The following CAPN12 variants were observed in gnomAD, a reference collection of about 807,000 sequenced individuals.
CAPN12 encodes the protein calpain 12, also known as calpain-12.
Under a neutral mutation model 95.0 loss-of-function variants are expected in CAPN12, and 107 were observed. That is an observed-to-expected ratio of 1.13 (90% confidence interval 0.96 to 1.32). CAPN12 has a LOEUF of 1.32. Among genes scored for constraint, CAPN12 ranks in the 40% most tolerant of loss-of-function variants. The pLI, the probability that CAPN12 is intolerant of heterozygous loss-of-function variation, is 0.00. For missense variants in CAPN12, 1,136 were observed against 997.8 expected, an observed-to-expected ratio of 1.14 and a Z score of -1.87; for synonymous variants, 505 against 415.5, an observed-to-expected ratio of 1.22 and a Z score of -2.62.
In CAPN12 at chr19:38,737,293, C is replaced by G; in HGVS notation, c.1225G>C (p.Ala409Pro). The G allele has an allele frequency of 6.6e-7, 1 of 1,524,344 alleles. No homozygotes were observed. The highest frequency in any genetic ancestry group is 1.2e-5 in the South Asian group (1 of 83,312). 94.4% of individuals were successfully genotyped at this position (1,524,344 alleles called of 1,614,324 possible). A position where few individuals can be genotyped will look rare whatever the true frequency, so the allele number is the denominator to read the frequency against. Residue 409 changes from alanine (A) to proline (P), a missense_variant, in exon 10 of 21, where the codon GCT becomes CCT. Coordinates refer to ENST00000328867, the MANE Select transcript of CAPN12 (RefSeq NM_144691.4). ...CGCGCTGGGCCCCGTGCCCCTGCAG[C>G]CCCCCAGCCCCCCCAGGGCCCTTCC... Reference protein sequence around the residue: ...DEEGPWGGWGAAGARGPARGG... With the variant: ...DEEGPWGGWGPAGARGPARGG...
At chr19:38,737,947 T>C (rs1970316111) in intron 8 of CAPN12, among the ~76,000 whole-genome samples, 1 of 152,126 alleles carries the variant, frequency 6.6e-6, no homozygotes, top group African/African-American at 2.4e-5. Flanking sequence ...CCCCTCAACA[T>C]TGCCAAATCT....
chr19:38,739,316 G>A (rs1269971134), intron 5 of CAPN12: 1 of 152,714 alleles, frequency 6.5e-6, no homozygotes, highest in East Asian at 1.9e-4. Context: ...TGGGCATGGT[G>A]GCGGGCGCCT....
At position 38,734,142 on chromosome 19, in the gene CAPN12, C is replaced by T; in HGVS notation, c.1878G>A (p.Gln626=). ...QQLWGYLLEW[Q]AIFNKFDEDT... ...GAAGAGGCCCAGTCTCCCACCTCAC[C>T]TGCCACTCCAGGAGGTAGCCCCAGA... The change falls in exon 17 of 21, where the codon CAG becomes CAA. Residue 626 remains glutamine, a splice_region_variant and synonymous_variant. Transcript: ENST00000328867. 1.2e-6 allele frequency: 2 copies of T among 1,612,738 alleles called. No individual in the cohort carries two copies. The highest frequency in any genetic ancestry group is 1.7e-6 in the Non-Finnish European group (2 of 1,179,816).
At position 38,737,333 on chromosome 19, in the gene CAPN12, C is replaced by A. The variant is rs775292036; in HGVS notation, c.1185G>T (p.Glu395Asp). The change falls in exon 10 of 21, where the codon GAG (glutamate) becomes GAT (aspartate). Residue 395 changes from glutamate (E) to aspartate (D), a missense_variant. By Grantham distance (45) the Glu-to-Asp change is conservative (BLOSUM62 2). Coordinates refer to ENST00000328867, the MANE Select transcript of CAPN12 (RefSeq NM_144691.4). ...FRLTLLEPDEEDDEDEEGPWG... is the reference protein window; with the variant it reads ...FRLTLLEPDEDDDEDEEGPWG... ...AGGGCCCTTCCTCATCCTCGTCATC[C>A]TCCTCATCAGGCTCCAGCAGCGTTA... The A allele has an allele frequency of 8.1e-6, 13 of 1,600,584 alleles. No individual in the cohort carries two copies. The South Asian group carries it at 8.9e-5, about 11-fold the overall frequency.
At chr19:38,733,634 GA>G in intron 18 of CAPN12, 68 bp downstream of exon 18, 2 of 1,376,672 alleles carry the variant, frequency 1.5e-6, no homozygotes, top group Non-Finnish European at 2.1e-6. Flanking sequence ...TGAGCAGGGG[GA>G]CTTGGAGACA....
chr19:38,737,515 C>G lies in CAPN12; in HGVS notation c.1089G>C (p.Trp363Cys). 6.2e-7 allele frequency: 1 copy of G among 1,612,716 alleles called. No homozygotes were observed. Among genetic ancestry groups the G allele is most frequent in the Middle Eastern group, 1.6e-4 (1 of 6,062 alleles). The change falls in exon 9 of 21, where the codon TGG becomes TGC. Residue 363 changes from tryptophan to cysteine, a missense_variant. Coordinates refer to ENST00000328867, the MANE Select transcript of CAPN12 (RefSeq NM_144691.4). The part of the protein sequence containing the change: ...GWHVHTFQGR[W>C]VRGFNSGGSQ... ...TCCCGCCGGAGTTGAAGCCACGCAC[C>G]CAGCGGCCTTGGAAGGTGTGGACGT...
intron 15 of CAPN12, 116 bp from the exon 16 acceptor site, chr19:38,734,505 G>A (rs1487760387): frequency 3.3e-6 from 3 of 914,304 alleles, no homozygotes; most frequent in African/African-American, 1.7e-5. Flanking sequence ...TATTATAGAA[G>A]CCGAGGCACA....
At position 38,742,541 on chromosome 19, in the gene CAPN12, GC is replaced by G; in HGVS notation, c.308-14del. 1 of 1,582,090 alleles carries G rather than the reference GC, an allele frequency of 6.3e-7. No individual in the cohort carries two copies. Among genetic ancestry groups the G allele is most frequent in the Non-Finnish European group, 8.7e-7 (1 of 1,154,880 alleles). On this transcript the variant is annotated splice_polypyrimidine_tract_variant and intron_variant, in intron 2 of 20. Coordinates refer to ENST00000328867, the MANE Select transcript of CAPN12 (RefSeq NM_144691.4). ...AACCAGCAGTTACCTGGGAGGAGAG[GC>G]CAGGATTAGGTGAGGATGGAAGGAG... is the stretch of plus-strand genomic sequence containing the variant.
intron 4 of CAPN12, 127 bp downstream of exon 4, chr19:38,741,650 A>G: frequency 8.5e-7 from 1 of 1,174,816 alleles, no homozygotes; most frequent in Non-Finnish European, 1.2e-6. Context: ...GGCGGTTGTC[A>G]CTTGGTTTGG....
Position 38,736,292 on chromosome 19 carries a change from G to T in CAPN12, c.1401C>A (p.Arg467=). The change falls in exon 12 of 21, where the codon CGC becomes CGA. Residue 467 remains arginine (R), a synonymous_variant. Coordinates refer to ENST00000328867, the MANE Select transcript of CAPN12 (RefSeq NM_144691.4). The part of the protein sequence containing the change: ...EELLGLWDSP[R]SHALLPRLLR... ...GCAGCCGGGGCAGGAGCGCATGGCT[G>T]CGCGGGGAATCCCAGAGGCCCAGCA... The T allele has an allele frequency of 6.9e-7, 1 of 1,442,606 alleles. No individual in the cohort carries two copies. Among genetic ancestry groups the T allele is most frequent in the Non-Finnish European group, 9.0e-7 (1 of 1,104,974 alleles). 89.4% of individuals were successfully genotyped at this position (1,442,606 alleles called of 1,614,324 possible).
chr19:38,730,257 T>TA lies in CAPN12; in HGVS notation c.*594dup, dbSNP rs1051135194. Reference sequence around the variant, plus strand: ...ATAAATATATATTCACCTAGCAACATATCTCTGCCGTCTCTCCTGCTCTCA... The same window carrying TA: ...ATAAATATATATTCACCTAGCAACATAATCTCTGCCGTCTCTCCTGCTCTCA... On this transcript the variant is annotated 3_prime_UTR_variant, in exon 21 of 21. Transcript: ENST00000328867. 6.3e-6 allele frequency: 1 copy of TA among 158,336 alleles called. No individual in the cohort carries two copies. The highest frequency in any genetic ancestry group is 1.4e-5 in the Non-Finnish European group (1 of 71,610). The allele number at this position is 158,336 out of a possible 1,614,324, so 9.8% of individuals were successfully genotyped here. A position where few individuals can be genotyped will look rare whatever the true frequency, so the allele number is the denominator to read the frequency against.
chr19:38,730,964 C>T lies in CAPN12; in HGVS notation c.2133+1G>A. On this transcript the variant is annotated splice_donor_variant, in intron 20 of 20. Transcript: ENST00000328867. LOFTEE classifies it high-confidence loss of function. Reference sequence around the variant, plus strand: ...CACCCTGTCCCTCCCACCTGGCTCACCTGTCTGTGGGTCAGGCAGATGACC... The same window carrying T: ...CACCCTGTCCCTCCCACCTGGCTCATCTGTCTGTGGGTCAGGCAGATGACC... 6.4e-7 allele frequency: 1 copy of T among 1,550,724 alleles called. No individual in the cohort carries two copies. The highest frequency in any genetic ancestry group is 1.4e-5 in the African/African-American group (1 of 73,180).
chr19:38,731,049 G>A (rs1056767075), intron 19 of CAPN12, 26 bp from the exon 20 acceptor site: 5 of 1,558,394 alleles, frequency 3.2e-6, no homozygotes, highest in Non-Finnish European at 2.6e-6. Flanking sequence ...CAGGGTGAGT[G>A]CCCACCAGTC....
At chr19:38,736,911 T>A in intron 10 of CAPN12, 2 of 135,810 alleles carry the variant, frequency 1.5e-5, no homozygotes, top group South Asian at 1.7e-4. Context: ...CCCCCAGCCC[T>A]ACTAGCCCCC....
Position 38,730,644 on chromosome 19 carries a change from T to C in CAPN12, c.*208A>G. 2 of 631,816 alleles carry C rather than the reference T, an allele frequency of 3.2e-6. No individual in the cohort carries two copies. The highest frequency in any genetic ancestry group is 4.2e-4 in the Middle Eastern group (1 of 2,360). The allele number at this position is 631,816 out of a possible 1,614,324, so 39.1% of individuals were successfully genotyped here. Reference sequence around the variant, plus strand: ...TGTCAACGTGGACTAGCTCGTGTCATCTGCTCGAGAAGGGCTGTCGCTGTT... The same window carrying C: ...TGTCAACGTGGACTAGCTCGTGTCACCTGCTCGAGAAGGGCTGTCGCTGTT... On this transcript the variant is annotated 3_prime_UTR_variant, in exon 21 of 21. Transcript: ENST00000328867.
intron 2 of CAPN12, among the ~76,000 whole-genome samples, 158 bp downstream of exon 2, chr19:38,742,875 A>G (rs1970638568): frequency 8.5e-5 from 10 of 118,286 alleles, no homozygotes; most frequent in Non-Finnish European, 1.1e-4. Flanking sequence ...AAAAAAAAGG[A>G]AGGAAGGAAG....
intron 19 of CAPN12, 28 bp downstream of exon 19, chr19:38,731,069 CTTCCCCCCAT>C: frequency 6.4e-7 from 1 of 1,573,824 alleles, no homozygotes; most frequent in South Asian, 1.2e-5. Context: ...CCCCGTACCC[CTTCCCCCCAT>C]GCCCCACCAT....
intron 18 of CAPN12, chr19:38,733,258 G>A (rs369477888): frequency 2.2e-4 from 36 of 160,230 alleles, no homozygotes; most frequent in East Asian, 2.0e-3. Context: ...ACCAGGCCCT[G>A]GCCATTTTAG....
At chr19:38,737,105 C>A (rs767713553) in intron 10 of CAPN12, 51 bp downstream of exon 10, 2 of 1,453,158 alleles carry the variant, frequency 1.4e-6, no homozygotes, top group East Asian at 5.0e-5. Context: ...CCCGGCCCCG[C>A]CCCTCCACCC....
Sources: allele counts gnomAD v4.1 joint callset (sites outside exome capture counted in the v4.1 genomes callset), GRCh38; gene constraint gnomAD v4.1.1; transcripts MANE v1.5; gene names NCBI Gene and HGNC (gene_info 2026-07-23, HGNC 2026-07-21).